Variants in GTF2E2 observed in about 807,000 individuals in gnomAD.
GTF2E2 encodes transcription initiation factor IIE subunit beta.
Under a neutral mutation model 40.5 loss-of-function variants are expected in GTF2E2, and 21 were observed. The observed-to-expected ratio is 0.52, with a 90% confidence interval of 0.37 to 0.75. The LOEUF is 0.75. Among genes scored for constraint, GTF2E2 ranks in the 30% least tolerant of loss-of-function variants. The probability of loss-of-function intolerance (pLI) is 0.00; values close to 1 mark genes in which losing one functional copy is unlikely to be tolerated. For missense variants in GTF2E2, 298 were observed against 338.4 expected, an observed-to-expected ratio of 0.88 and a Z score of 0.94; for synonymous variants, 117 against 121.6, an observed-to-expected ratio of 0.96 and a Z score of 0.25.
chr8:30,640,546 C>T (rs1178783014), intron 2 of GTF2E2, among the ~76,000 whole-genome samples: 1 of 152,136 alleles, frequency 6.6e-6, no homozygotes, highest in African/African-American at 2.4e-5. Context: ...AATTTTAAGG[C>T]ATGGGTAGGG....
At chr8:30,600,776 C>G (rs1476333172) in intron 6 of GTF2E2, among the ~76,000 whole-genome samples, 1 of 152,166 alleles carries the variant, frequency 6.6e-6, no homozygotes, top group Non-Finnish European at 1.5e-5. Flanking sequence ...GTGTTCACTT[C>G]TACACTGGAT....
chr8:30,621,537 A>G (rs916642204), intron 3 of GTF2E2, among the ~76,000 whole-genome samples: 2 of 152,130 alleles, frequency 1.3e-5, no homozygotes, highest in African/African-American at 4.8e-5. Context: ...CCCTACAACT[A>G]GAGACTTGAT....
At chr8:30,642,949 G>C (rs1801903721) in intron 2 of GTF2E2, among the ~76,000 whole-genome samples, 1 of 152,158 alleles carries the variant, frequency 6.6e-6, no homozygotes. Context: ...AAAAGTAGAT[G>C]AGATATCTCT....
intron 6 of GTF2E2, among the ~76,000 whole-genome samples, chr8:30,580,929 A>G (rs1828499738): frequency 6.6e-6 from 1 of 152,162 alleles, no homozygotes; most frequent in Middle Eastern, 3.2e-3. Context: ...TGAAATAGAA[A>G]CACTGTCTCA....
chr8:30,579,144 C>T (rs1828437662), intron 7 of GTF2E2, 107 bp from the exon 8 acceptor site: 4 of 717,850 alleles, frequency 5.6e-6, no homozygotes, highest in Non-Finnish European at 1.0e-5. Context: ...ATGCCAGGTT[C>T]GGACCCTTCT....
chr8:30,616,280 C>T (rs895511746), intron 3 of GTF2E2, among the ~76,000 whole-genome samples: 12 of 151,818 alleles, frequency 7.9e-5, no homozygotes, highest in Non-Finnish European at 1.5e-4. Context: ...TACTAAAATA[C>T]AAAAAATTAG....
At chr8:30,608,509 T>C (rs1162641354) in intron 5 of GTF2E2, among the ~76,000 whole-genome samples, 1 of 152,250 alleles carries the variant, frequency 6.6e-6, no homozygotes, top group Non-Finnish European at 1.5e-5. Flanking sequence ...CCATTATTCT[T>C]ACTTATGTAA....
At chr8:30,580,149 A>C in intron 7 of GTF2E2, 132 bp downstream of exon 7, 1 of 640,728 alleles carries the variant, frequency 1.6e-6, no homozygotes, top group Non-Finnish European at 2.8e-6. Flanking sequence ...AATACCTCAG[A>C]TGTGACCTGG....
Position 30,658,183 on chromosome 8 carries a change from G to A in GTF2E2, c.-215C>T. ...CGGCAGCGGCGGTAGCTGAGGCGGC[G>A]ACTGGACCCGGGACTCCGCCCGCCA... On this transcript the variant is annotated 5_prime_UTR_variant, in exon 1 of 8. Coordinates refer to ENST00000355904, the MANE Select transcript of GTF2E2 (RefSeq NM_002095.6). 5.2e-6 allele frequency: 1 copy of A among 193,540 alleles called. No homozygotes were observed. Among genetic ancestry groups the A allele is most frequent in the South Asian group, 7.6e-5 (1 of 13,148 alleles). 12.0% of individuals were successfully genotyped at this position (193,540 alleles called of 1,614,324 possible). A position where few individuals can be genotyped will look rare whatever the true frequency, so the allele number is the denominator to read the frequency against.
intron 2 of GTF2E2, among the ~76,000 whole-genome samples, chr8:30,642,936 C>A (rs569044547): frequency 1.3e-5 from 2 of 152,182 alleles, no homozygotes; most frequent in East Asian, 3.9e-4. Flanking sequence ...TCACTTATAC[C>A]TCAAAAGTAG....
intron 6 of GTF2E2, among the ~76,000 whole-genome samples, chr8:30,593,198 A>T (rs577220359): frequency 1.3e-5 from 2 of 152,344 alleles, no homozygotes; most frequent in African/African-American, 4.8e-5. Flanking sequence ...CTCAAAAGAG[A>T]AAAAAAGGAA....
intron 6 of GTF2E2, among the ~76,000 whole-genome samples, chr8:30,581,860 T>C (rs2979521): frequency 0.026 from 3,970 of 152,266 alleles, 73 homozygotes; most frequent in African/African-American, 0.032. Flanking sequence ...ACCTAGCACA[T>C]GACAGGTCCT....
intron 6 of GTF2E2, among the ~76,000 whole-genome samples, chr8:30,597,726 T>C (rs1829053969): frequency 6.6e-6 from 1 of 152,242 alleles, no homozygotes; most frequent in Admixed American, 6.5e-5. Flanking sequence ...GTAGGAACGA[T>C]GCTCTCTCTA....
At chr8:30,623,536 T>G (rs1801176052) in intron 3 of GTF2E2, among the ~76,000 whole-genome samples, 1 of 152,074 alleles carries the variant, frequency 6.6e-6, no homozygotes, top group Non-Finnish European at 1.5e-5. Context: ...TACCCAGTAA[T>G]GGGATGGCTG....
At chr8:30,655,967 C>T (rs1429097631) in intron 1 of GTF2E2, among the ~76,000 whole-genome samples, 3 of 152,088 alleles carry the variant, frequency 2.0e-5, no homozygotes, top group Non-Finnish European at 4.4e-5. Context: ...CGCAGCACCA[C>T]GCCCCGCCAA....
intron 3 of GTF2E2, among the ~76,000 whole-genome samples, chr8:30,620,261 C>CACAA (rs1801054053): frequency 4.9e-5 from 7 of 142,990 alleles, no homozygotes; most frequent in African/African-American, 1.2e-4. Context: ...CACACACAAA[C>CACAA]ACACACACAC....
chr8:30,606,275 G>T (rs1288579700), intron 6 of GTF2E2, among the ~76,000 whole-genome samples: 2 of 152,128 alleles, frequency 1.3e-5, no homozygotes, highest in African/African-American at 4.8e-5. Context: ...CAAGTTCAGG[G>T]AAACTAAAGC....
chr8:30,652,330 G>A (rs953870126), intron 2 of GTF2E2, among the ~76,000 whole-genome samples: 7 of 152,116 alleles, frequency 4.6e-5, no homozygotes, highest in Admixed American at 1.3e-4. Flanking sequence ...CCAGATCAAA[G>A]AATGGTAGCC....
chr8:30,591,198 CA>C (rs1828838987), intron 6 of GTF2E2, among the ~76,000 whole-genome samples: 1 of 152,160 alleles, frequency 6.6e-6, no homozygotes, highest in Non-Finnish European at 1.5e-5. Flanking sequence ...ATGAAATATA[CA>C]GATGGACCGG....
Sources: gnomAD v4.1 joint callset for allele counts (sites outside exome capture counted in the v4.1 genomes callset) on GRCh38, gnomAD v4.1.1 for gene constraint, MANE v1.5 for transcripts, NCBI Gene and HGNC (gene_info 2026-07-23, HGNC 2026-07-21) for gene names.